The following NECAB1 variants were observed in gnomAD, a reference collection of about 807,000 sequenced individuals.
The protein encoded by NECAB1 is N-terminal EF-hand calcium binding protein 1, also known as N-terminal EF-hand calcium-binding protein 1.
A neutral mutation model predicts 57.5 loss-of-function variants in NECAB1; 29 were observed. That is an observed-to-expected ratio of 0.50 (90% CI 0.38 to 0.69). The LOEUF is 0.69. NECAB1 is among the 30% of genes least tolerant of loss of function. NECAB1 has a pLI of 0.00. For synonymous variants in NECAB1, 142 were observed against 147.7 expected (o/e 0.96, Z 0.28); for missense variants, 372 against 413.8 (o/e 0.90, Z 0.88).
chr8:90,948,027 G>C (rs1326058566), intron 10 of NECAB1, among the ~76,000 whole-genome samples: 1 of 152,198 alleles, frequency 6.6e-6, no homozygotes, highest in African/African-American at 2.4e-5. Context: ...GGAAGCAGTT[G>C]ATGAAGAGCT....
intron 3 of NECAB1, among the ~76,000 whole-genome samples, chr8:90,826,792 A>G (rs1183822404): frequency 3.3e-5 from 5 of 151,834 alleles, no homozygotes; most frequent in African/African-American, 1.2e-4. Flanking sequence ...TATTTTATTT[A>G]TATAATTATT....
chr8:90,805,972 ACT>A (rs1335288056), intron 2 of NECAB1, among the ~76,000 whole-genome samples: 5 of 152,028 alleles, frequency 3.3e-5, no homozygotes, highest in South Asian at 2.1e-4. Flanking sequence ...CCACTATTGT[ACT>A]CTCTGCTTCT....
At chr8:90,885,078 T>C (rs1039457679) in intron 5 of NECAB1, among the ~76,000 whole-genome samples, 2 of 152,180 alleles carry the variant, frequency 1.3e-5, no homozygotes, top group Admixed American at 6.6e-5. Flanking sequence ...AAGGAGGAGA[T>C]AGAACTGAGA....
intron 6 of NECAB1, among the ~76,000 whole-genome samples, chr8:90,924,765 G>A (rs1252953418): frequency 6.6e-6 from 1 of 152,122 alleles, no homozygotes; most frequent in Non-Finnish European, 1.5e-5. Flanking sequence ...GTACTTTTAA[G>A]CAGCCTTCCT....
intron 3 of NECAB1, among the ~76,000 whole-genome samples, chr8:90,866,184 A>C (rs1363939995): frequency 6.6e-6 from 1 of 152,210 alleles, no homozygotes; most frequent in Non-Finnish European, 1.5e-5. Context: ...TAATGGAAAC[A>C]TAATCTGCTC....
Position 90,959,120 on chromosome 8 carries a change from A to C in NECAB1, c.*3608A>C. The C allele has an allele frequency of 1.8e-6, 1 of 566,414 alleles. No homozygotes were observed. Among genetic ancestry groups the C allele is most frequent in the Non-Finnish European group, 3.0e-6 (1 of 335,028 alleles). 35.1% of individuals were successfully genotyped at this position (566,414 alleles called of 1,614,324 possible). A position where few individuals can be genotyped will look rare whatever the true frequency, so the allele number is the denominator to read the frequency against. On this transcript the variant is annotated 3_prime_UTR_variant, in exon 13 of 13. Coordinates refer to ENST00000417640, the MANE Select transcript of NECAB1 (RefSeq NM_022351.5). ...TCAAACCAAATACTGTGAACGTACC[A>C]GGTGTTTACAGATTTAAATGCATGT...
intron 10 of NECAB1, among the ~76,000 whole-genome samples, chr8:90,947,714 T>G (rs1358277193): frequency 6.6e-6 from 1 of 152,194 alleles, no homozygotes; most frequent in Non-Finnish European, 1.5e-5. Flanking sequence ...CATGTAACAC[T>G]TTAATTCTCA....
intron 4 of NECAB1, among the ~76,000 whole-genome samples, chr8:90,879,363 G>T (rs1309243446): frequency 1.3e-5 from 2 of 151,024 alleles, no homozygotes; most frequent in Non-Finnish European, 2.9e-5. Context: ...GGCCCAGGCT[G>T]GTCACGAATT....
chr8:90,809,580 C>T (rs578195991), intron 2 of NECAB1, among the ~76,000 whole-genome samples: 1 of 152,294 alleles, frequency 6.6e-6, no homozygotes, highest in Non-Finnish European at 1.5e-5. Flanking sequence ...CATTTACTGA[C>T]GTGGACATGT....
intron 5 of NECAB1, among the ~76,000 whole-genome samples, chr8:90,898,765 A>G (rs1481383211): frequency 6.6e-6 from 1 of 152,226 alleles, no homozygotes; most frequent in African/African-American, 2.4e-5. Context: ...GCCCAACTGC[A>G]CTGAGTCACT....
intron 6 of NECAB1, 127 bp downstream of exon 6, chr8:90,917,755 A>G (rs1211534410): frequency 1.4e-5 from 12 of 858,930 alleles, no homozygotes; most frequent in South Asian, 4.0e-5. Context: ...AAAGAATGAC[A>G]GTGACCTCCA....
chr8:90,802,967 G>T (rs928538948), intron 2 of NECAB1, among the ~76,000 whole-genome samples: 1 of 152,046 alleles, frequency 6.6e-6, no homozygotes, highest in South Asian at 2.1e-4. Flanking sequence ...TGGGATCTTG[G>T]CTTACTGCAA....
chr8:90,826,675 G>A (rs977292203), intron 3 of NECAB1, among the ~76,000 whole-genome samples: 3 of 151,658 alleles, frequency 2.0e-5, no homozygotes, highest in Admixed American at 2.0e-4. Flanking sequence ...CCAGAATTGG[G>A]TGTTATGAAG....
At chr8:90,941,720 CAGAT>C (rs1432126857) in intron 10 of NECAB1, among the ~76,000 whole-genome samples, 5 of 152,144 alleles carry the variant, frequency 3.3e-5, no homozygotes, top group Non-Finnish European at 7.4e-5. Context: ...CGGTGATGCA[CAGAT>C]AGAATTTCTG....
At chr8:90,889,539 G>T (rs1809099932) in intron 5 of NECAB1, among the ~76,000 whole-genome samples, 1 of 152,174 alleles carries the variant, frequency 6.6e-6, no homozygotes, top group Admixed American at 6.5e-5. Context: ...TCCAAGGGTG[G>T]CTTAAGTGGG....
At chr8:90,930,794 G>C (rs1810385635) in intron 8 of NECAB1, among the ~76,000 whole-genome samples, 1 of 152,146 alleles carries the variant, frequency 6.6e-6, no homozygotes, top group African/African-American at 2.4e-5. Context: ...GAAAAATAGT[G>C]GCTATGGAAA....
At chr8:90,813,616 T>C (rs1812008587) in intron 2 of NECAB1, among the ~76,000 whole-genome samples, 1 of 152,112 alleles carries the variant, frequency 6.6e-6, no homozygotes, top group South Asian at 2.1e-4. Context: ...TAACCTTGAA[T>C]TCCTGGGTTC....
intron 11 of NECAB1, among the ~76,000 whole-genome samples, chr8:90,950,338 T>C (rs1206629861): frequency 6.6e-6 from 1 of 152,198 alleles, no homozygotes; most frequent in Non-Finnish European, 1.5e-5. Context: ...ACCTTCTAAA[T>C]GTCTTTAAAC....
At chr8:90,814,016 A>G (rs1227060440) in intron 2 of NECAB1, among the ~76,000 whole-genome samples, 1 of 152,272 alleles carries the variant, frequency 6.6e-6, no homozygotes, top group Non-Finnish European at 1.5e-5. Flanking sequence ...GTTTTTGCCT[A>G]ATATTCTTTT....
Sources: gnomAD v4.1 joint callset for allele counts (sites outside exome capture counted in the v4.1 genomes callset) on GRCh38, gnomAD v4.1.1 for gene constraint, MANE v1.5 for transcripts, NCBI Gene and HGNC (gene_info 2026-07-23, HGNC 2026-07-21) for gene names.